PAM: variants seen among roughly 807,000 people sequenced by gnomAD.
The protein encoded by PAM is peptidyl-glycine alpha-amidating monooxygenase.
A neutral mutation model predicts 122.1 loss-of-function variants in PAM; 72 were observed. The observed-to-expected ratio is 0.59, with a 90% CI of 0.49 to 0.72. PAM has a LOEUF of 0.72. Among genes scored for constraint, PAM ranks in the 30% least tolerant of loss-of-function variants. The pLI is 0.00. For missense variants in PAM, 1,106 were observed against 1,183.7 expected (o/e 0.93, Z 0.96); for synonymous variants, 389 against 404.4 (o/e 0.96, Z 0.46).
At chr5:102,866,350 C>T (rs1785553078) in intron 2 of PAM, 66 bp downstream of exon 2, 11 of 1,059,182 alleles carry the variant, frequency 1.0e-5, no homozygotes, top group Non-Finnish European at 1.5e-5. Flanking sequence ...TTTTATGAAC[C>T]TGAGTGTTGG....
Position 102,791,306 on chromosome 5 carries a change from A to T in PAM, c.-374+35958A>T, listed in dbSNP as rs75942241. ...ACGTATATGCCAAATTGTTCTTTAAAAAAGCCATGTGACAGTTTATATTTC... is the reference window on the plus strand; with the variant it reads ...ACGTATATGCCAAATTGTTCTTTAATAAAGCCATGTGACAGTTTATATTTC... On this transcript the variant is annotated intron_variant, in intron 1 of 25. Coordinates refer to ENST00000438793, the MANE Select transcript of PAM (RefSeq NM_001177306.2). Among the ~76,000 whole-genome samples the T allele has an allele frequency of 8.5e-3, 1,294 of 152,230 alleles. 17 individuals are homozygous for T. Among genetic ancestry groups the T allele is most frequent in the African/African-American group, 0.03 (1,251 of 41,570 alleles).
intron 1 of PAM, among the ~76,000 whole-genome samples, chr5:102,845,927 A>G (rs1441937035): frequency 6.6e-6 from 1 of 152,190 alleles, no homozygotes; most frequent in Admixed American, 6.5e-5. Context: ...TTTATCATAT[A>G]CTAGCTCACA....
chr5:102,827,665 ATTTTTTTTTT>A (rs947792228), intron 1 of PAM, among the ~76,000 whole-genome samples: 4 of 35,584 alleles, frequency 1.1e-4, no homozygotes, highest in Admixed American at 3.6e-4. Flanking sequence ...GCTCACTATG[ATTTTTTTTTT>A]TTTTTTTTTT....
intron 1 of PAM, among the ~76,000 whole-genome samples, chr5:102,811,348 C>T (rs1420402819): frequency 1.3e-5 from 2 of 152,238 alleles, no homozygotes; most frequent in African/African-American, 4.8e-5. Flanking sequence ...TCTTTTCCAG[C>T]TTCTAGGGCC....
chr5:102,785,883 A>C, intron 1 of PAM, among the ~76,000 whole-genome samples: 1 of 150,022 alleles, frequency 6.7e-6, no homozygotes. Flanking sequence ...CATTCATTCA[A>C]GTGGTTATAT....
chr5:102,768,586 C>CA (rs1482695813), intron 1 of PAM, among the ~76,000 whole-genome samples: 1 of 152,114 alleles, frequency 6.6e-6, no homozygotes, highest in East Asian at 1.9e-4. Flanking sequence ...TGAGAACATG[C>CA]AAAGTTTGTC....
At chr5:102,893,595 T>A (rs1284688552) in intron 3 of PAM, among the ~76,000 whole-genome samples, 1 of 151,832 alleles carries the variant, frequency 6.6e-6, no homozygotes, top group Non-Finnish European at 1.5e-5. Context: ...CTTTTCTTAC[T>A]CTTTCATGTG....
At chr5:102,882,441 C>CATTGTGAT (rs1275063395) in intron 3 of PAM, among the ~76,000 whole-genome samples, 2 of 151,828 alleles carry the variant, frequency 1.3e-5, no homozygotes, top group South Asian at 4.2e-4. Context: ...GGTGGTATCA[C>CATTGTGAT]ATTGTGATAT....
rs147334239 is a variant in PAM at position 102,823,577 on chromosome 5, C to G, written c.-373-42246C>G. Among the ~76,000 whole-genome samples, 4 of 152,306 alleles carry G rather than the reference C, an allele frequency of 2.6e-5. No homozygotes were observed. In the East Asian group the frequency reaches 7.7e-4, roughly 29 times the overall value. Reference sequence around the variant, plus strand: ...CTGAAAGGAGCGCTGGAACAGATGTCAAACTATAATCAGAGTGAGCAATTA... The same window carrying G: ...CTGAAAGGAGCGCTGGAACAGATGTGAAACTATAATCAGAGTGAGCAATTA... On this transcript the variant is annotated intron_variant, in intron 1 of 25. Transcript: ENST00000438793.
At chr5:102,825,831 G>C (rs531059589) in intron 1 of PAM, among the ~76,000 whole-genome samples, 4 of 152,168 alleles carry the variant, frequency 2.6e-5, no homozygotes, top group African/African-American at 9.6e-5. Flanking sequence ...CTGGGCAACA[G>C]ATCAATACCC....
At chr5:102,866,524 C>T in intron 2 of PAM, 1 of 525,370 alleles carries the variant, frequency 1.9e-6, no homozygotes, top group Non-Finnish European at 3.4e-6. Context: ...CTAATCACTC[C>T]CTCTGGGGGA....
intron 1 of PAM, among the ~76,000 whole-genome samples, chr5:102,756,778 A>T (rs187228954): frequency 2.0e-5 from 3 of 152,166 alleles, no homozygotes; most frequent in Admixed American, 1.3e-4. Context: ...ATAAATAATC[A>T]GCTTTAGAAT....
At chr5:102,828,478 G>A (rs1460288431) in intron 1 of PAM, among the ~76,000 whole-genome samples, 1 of 152,164 alleles carries the variant, frequency 6.6e-6, no homozygotes, top group Non-Finnish European at 1.5e-5. Flanking sequence ...ACCATGTGGT[G>A]TGCTCTAGGG....
chr5:102,901,960 C>G (rs1798068638), intron 4 of PAM, among the ~76,000 whole-genome samples: 1 of 151,580 alleles, frequency 6.6e-6, no homozygotes, highest in African/African-American at 2.4e-5. Context: ...GCTTAAATGA[C>G]AGATTCTTCC....
At chr5:103,017,292 T>G in intron 21 of PAM, 42 bp from the exon 22 acceptor site, 1 of 1,210,426 alleles carries the variant, frequency 8.3e-7, no homozygotes, top group Non-Finnish European at 1.2e-6. Flanking sequence ...AGGATTCAAG[T>G]AAAGGCTCAC....
intron 15 of PAM, among the ~76,000 whole-genome samples, chr5:102,983,446 C>CAAAAAAAAAAAAAAAAA (rs70990421): frequency 1.9e-5 from 2 of 103,572 alleles, no homozygotes; most frequent in African/African-American, 7.3e-5. Context: ...TGAGACTGTC[C>CAAAAAAAAAAAAAAAAA]AAAAAAAAAA....
At chr5:102,781,013 G>A (rs1182040308) in intron 1 of PAM, among the ~76,000 whole-genome samples, 1 of 151,876 alleles carries the variant, frequency 6.6e-6, no homozygotes, top group Admixed American at 6.6e-5. Context: ...GACTCCAGAT[G>A]TTGCCAAATG....
chr5:102,873,768 A>G (rs968109337), intron 3 of PAM: 1 of 152,236 alleles, frequency 6.6e-6, no homozygotes, highest in Non-Finnish European at 1.5e-5. Flanking sequence ...TCCAGTGGCC[A>G]GCCTCTAGAA....
chr5:102,939,946 C>A (rs1429889509), intron 7 of PAM, among the ~76,000 whole-genome samples: 6 of 151,848 alleles, frequency 4.0e-5, no homozygotes, highest in African/African-American at 1.2e-4. Flanking sequence ...AGAATATAAA[C>A]TTTCTGTGTT....
Sources: allele counts gnomAD v4.1 joint callset (sites outside exome capture counted in the v4.1 genomes callset), GRCh38; gene constraint gnomAD v4.1.1; transcripts MANE v1.5; gene names NCBI Gene and HGNC (gene_info 2026-07-23, HGNC 2026-07-21).